The following NXPH1 variants were observed in gnomAD, a reference collection of about 807,000 sequenced individuals.
NXPH1 encodes the protein neurexophilin-1.
In NXPH1, 5 loss-of-function variants were observed where a neutral mutation model predicts 23.7. That is an observed-to-expected ratio of 0.21 (90% CI 0.11 to 0.44). The LOEUF (loss-of-function observed/expected upper bound fraction) is 0.44, where lower values mean the gene tolerates loss of function less well. Among genes scored for constraint, NXPH1 ranks in the 20% least tolerant of loss-of-function variants. The pLI, the probability that NXPH1 is intolerant of heterozygous loss-of-function variation, is 0.99. For missense variants in NXPH1, 324 were observed against 321.6 expected, an observed-to-expected ratio of 1.01 and a Z score of -0.06; for synonymous variants, 144 against 122.2, an observed-to-expected ratio of 1.18 and a Z score of -1.18.
intron 2 of NXPH1, among the ~76,000 whole-genome samples, chr7:8,473,390 CTATT>C (rs1293140357): frequency 1.6e-4 from 24 of 152,182 alleles, no homozygotes; most frequent in African/African-American, 5.1e-4. Flanking sequence ...CGCATGGTGA[CTATT>C]TGTTTGTATT....
intron 2 of NXPH1, among the ~76,000 whole-genome samples, chr7:8,613,592 A>G (rs1368130518): frequency 6.6e-6 from 1 of 151,976 alleles, no homozygotes; most frequent in East Asian, 1.9e-4. Flanking sequence ...TTAATGTAGG[A>G]TATCTTTGTA....
intron 2 of NXPH1, among the ~76,000 whole-genome samples, chr7:8,438,962 C>T (rs1284485526): frequency 6.6e-6 from 1 of 152,086 alleles, no homozygotes; most frequent in African/African-American, 2.4e-5. Flanking sequence ...ACTCAAAATC[C>T]ACCACAGGAC....
chr7:8,650,357 C>G (rs767791456), intron 2 of NXPH1, among the ~76,000 whole-genome samples: 5 of 152,078 alleles, frequency 3.3e-5, no homozygotes, highest in Non-Finnish European at 5.9e-5. Flanking sequence ...CCTTATAGTT[C>G]AATTAAACTA....
intron 2 of NXPH1, among the ~76,000 whole-genome samples, chr7:8,728,128 G>A (rs936834371): frequency 7.9e-5 from 12 of 151,578 alleles, no homozygotes; most frequent in Admixed American, 7.9e-4. Context: ...CTCATGATTT[G>A]GCTCTCTGTT....
intron 2 of NXPH1, among the ~76,000 whole-genome samples, chr7:8,522,930 G>C (rs985234388): frequency 6.6e-6 from 1 of 152,172 alleles, no homozygotes; most frequent in African/African-American, 2.4e-5. Context: ...CATTGGCTAT[G>C]GAGACAGATG....
At chr7:8,473,355 C>G (rs1406784179) in intron 2 of NXPH1, among the ~76,000 whole-genome samples, 1 of 152,090 alleles carries the variant, frequency 6.6e-6, no homozygotes, top group Non-Finnish European at 1.5e-5. Flanking sequence ...TACAAGAAAG[C>G]CTTTTTCCCA....
chr7:8,518,277 C>A (rs749319719), intron 2 of NXPH1, among the ~76,000 whole-genome samples: 2 of 152,014 alleles, frequency 1.3e-5, no homozygotes, highest in Non-Finnish European at 2.9e-5. Context: ...GATCAGGGGC[C>A]TGGGTATGTA....
At chr7:8,623,404 A>T (rs558168416) in intron 2 of NXPH1, among the ~76,000 whole-genome samples, 1 of 152,170 alleles carries the variant, frequency 6.6e-6, no homozygotes, top group Non-Finnish European at 1.5e-5. Context: ...TCAAGTAAAC[A>T]ATCAGACAAA....
At chr7:8,711,715 C>A (rs117358034) in intron 2 of NXPH1, among the ~76,000 whole-genome samples, 77 of 152,196 alleles carry the variant, frequency 5.1e-4, no homozygotes, top group African/African-American at 1.8e-3. Context: ...GATGGAGATG[C>A]TGCAGAATGA....
intron 2 of NXPH1, among the ~76,000 whole-genome samples, chr7:8,656,341 C>G (rs963069362): frequency 2.0e-5 from 3 of 151,802 alleles, no homozygotes; most frequent in African/African-American, 7.3e-5. Flanking sequence ...AAAATTAAAC[C>G]CTTAATATAT....
At chr7:8,516,691 A>G (rs1380222912) in intron 2 of NXPH1, among the ~76,000 whole-genome samples, 2 of 152,162 alleles carry the variant, frequency 1.3e-5, no homozygotes, top group Non-Finnish European at 2.9e-5. Context: ...AGTTATTAAG[A>G]GGAGGTAGAA....
intron 2 of NXPH1, among the ~76,000 whole-genome samples, chr7:8,610,907 T>C (rs751988246): frequency 6.6e-6 from 1 of 151,920 alleles, no homozygotes. Context: ...CAGGTGGGCA[T>C]GGAACAAGTG....
chr7:8,599,871 C>A (rs1819316695), intron 2 of NXPH1, among the ~76,000 whole-genome samples: 1 of 146,738 alleles, frequency 6.8e-6, no homozygotes. Flanking sequence ...ATATAATTTT[C>A]ATCTTTAGTC....
In NXPH1 at chr7:8,693,090, A is replaced by G. The variant is rs898600690; in HGVS notation, c.55-57918A>G. Among the ~76,000 whole-genome samples the G allele has an allele frequency of 2.6e-5, 4 of 152,278 alleles. No homozygotes were observed. In the East Asian group the frequency reaches 7.7e-4, roughly 29 times the overall value. The stretch of plus-strand genomic sequence containing the variant: ...AGGAAAAATTTAGAGTGGAAATGGA[A>G]CTTAAGCAGAGTCAAAGCAAGAAGA... On this transcript the variant is annotated intron_variant, in intron 2 of 2. Transcript: ENST00000405863.
chr7:8,659,465 A>T (rs913671165), intron 2 of NXPH1, among the ~76,000 whole-genome samples: 1 of 152,212 alleles, frequency 6.6e-6, no homozygotes, highest in Admixed American at 6.5e-5. Context: ...CGTCATTCTC[A>T]GCAAACTATC....
intron 2 of NXPH1, among the ~76,000 whole-genome samples, chr7:8,680,676 G>A (rs1821035229): frequency 6.6e-6 from 1 of 152,182 alleles, no homozygotes; most frequent in African/African-American, 2.4e-5. Context: ...AAGGAAAATT[G>A]TAGAATTATT....
intron 2 of NXPH1, among the ~76,000 whole-genome samples, chr7:8,515,896 A>G (rs1192923805): frequency 6.6e-6 from 1 of 152,100 alleles, no homozygotes; most frequent in African/African-American, 2.4e-5. Context: ...TTACTCTGCT[A>G]TCTTACCTAA....
At chr7:8,707,504 G>GT (rs1779722714) in intron 2 of NXPH1, among the ~76,000 whole-genome samples, 1 of 151,978 alleles carries the variant, frequency 6.6e-6, no homozygotes, top group African/African-American at 2.4e-5. Flanking sequence ...TATATTGTTG[G>GT]TTCTCAGTAT....
chr7:8,554,674 A>G (rs1562400596), intron 2 of NXPH1, among the ~76,000 whole-genome samples: 2 of 151,710 alleles, frequency 1.3e-5, no homozygotes, highest in South Asian at 4.1e-4. Flanking sequence ...TGTGTTAAAA[A>G]ACAGAACATG....
Sources: gnomAD v4.1 joint callset for allele counts (sites outside exome capture counted in the v4.1 genomes callset) on GRCh38, gnomAD v4.1.1 for gene constraint, MANE v1.5 for transcripts, NCBI Gene and HGNC (gene_info 2026-07-23, HGNC 2026-07-21) for gene names.